The following PHYHIPL variants were observed in gnomAD, a reference collection of about 807,000 sequenced individuals.
The protein encoded by PHYHIPL is phytanoyl-CoA 2-hydroxylase interacting protein like.
In PHYHIPL, 9 loss-of-function variants were observed where a neutral mutation model predicts 33.4. The observed-to-expected ratio is 0.27, with a 90% CI of 0.16 to 0.47. The LOEUF is 0.47. PHYHIPL is among the 20% of genes least tolerant of loss of function. PHYHIPL has a pLI of 0.99. For synonymous variants in PHYHIPL, 153 were observed against 154.1 expected (o/e 0.99, Z 0.05); for missense variants, 365 against 460.7 (o/e 0.79, Z 1.90).
At position 59,234,713 on chromosome 10, in the gene PHYHIPL, A is replaced by G. The variant is rs550095735; in HGVS notation, c.303+213A>G. Among the ~76,000 whole-genome samples, 5 of 151,934 alleles carry G rather than the reference A, an allele frequency of 3.3e-5. No individual in the cohort carries two copies. The East Asian group carries it at 9.6e-4, about 29-fold the overall frequency. On this transcript the variant is annotated intron_variant, in intron 2 of 4. Coordinates refer to ENST00000373880, the MANE Select transcript of PHYHIPL (RefSeq NM_032439.4). ...TGCTTTTTGTTAGAAGATAATTTTC[A>G]AAAAAAGGTAAAATCATGACTATCA...
chr10:59,237,949 A>G (rs1173360834), intron 3 of PHYHIPL, among the ~76,000 whole-genome samples: 1 of 151,914 alleles, frequency 6.6e-6, no homozygotes, highest in South Asian at 2.1e-4. Context: ...TATTGAGCCA[A>G]TGAAGCAGTG....
Position 59,183,692 on chromosome 10 carries a change from C to T in PHYHIPL, c.106+6733C>T, listed in dbSNP as rs190331741. ...CAACAGATGTGAGTTGAACCAAGAACGTCATACTTGGAATTGTCGTTAGTT... is the reference window on the plus strand; with the variant it reads ...CAACAGATGTGAGTTGAACCAAGAATGTCATACTTGGAATTGTCGTTAGTT... On this transcript the variant is annotated intron_variant, in intron 1 of 4. Coordinates refer to ENST00000373880, the MANE Select transcript of PHYHIPL (RefSeq NM_032439.4). The T allele has an allele frequency of 2.0e-4, 201 of 984,298 alleles. No individual in the cohort carries two copies. In the African/African-American group the frequency reaches 2.7e-3, roughly 13 times the overall value. 61.0% of individuals were successfully genotyped at this position (984,298 alleles called of 1,614,324 possible).
intron 1 of PHYHIPL, among the ~76,000 whole-genome samples, chr10:59,211,502 G>A (rs559303498): frequency 2.0e-5 from 3 of 151,702 alleles, no homozygotes; most frequent in South Asian, 2.1e-4. Flanking sequence ...TCAGCCTCCC[G>A]AGTAGCTAAG....
intron 4 of PHYHIPL, among the ~76,000 whole-genome samples, chr10:59,241,071 A>T (rs1344484318): frequency 6.6e-6 from 1 of 152,156 alleles, no homozygotes; most frequent in Non-Finnish European, 1.5e-5. Flanking sequence ...TGCAGTACGT[A>T]TAAATAAATA....
rs1840294706 is a variant in PHYHIPL, at chr10:59,238,529, A to G, written c.479-59A>G. On this transcript the variant is annotated intron_variant, in intron 3 of 4. Coordinates refer to ENST00000373880, the MANE Select transcript of PHYHIPL (RefSeq NM_032439.4). ...TTTAATAATCTTCAATTTATTAAGT[A>G]TATGGTTGGTACTTTTGGTGCAATA... 1.3e-5 allele frequency: 12 copies of G among 918,542 alleles called. No homozygotes were observed. In the South Asian group the frequency reaches 1.5e-4, roughly 12 times the overall value. The allele number at this position is 918,542 out of a possible 1,614,324, so 56.9% of individuals were successfully genotyped here.
At chr10:59,243,753 A>C (rs1840499932) in intron 4 of PHYHIPL, among the ~76,000 whole-genome samples, 1 of 150,302 alleles carries the variant, frequency 6.7e-6, no homozygotes, top group African/African-American at 2.5e-5. Flanking sequence ...GGGACCCAGC[A>C]AAAAAAAACA....
intron 1 of PHYHIPL, among the ~76,000 whole-genome samples, chr10:59,215,892 T>C (rs1228724018): frequency 6.6e-6 from 1 of 151,934 alleles, no homozygotes; most frequent in Non-Finnish European, 1.5e-5. Flanking sequence ...TCTGTATTAG[T>C]TGGTGAAGTC....
chr10:59,182,012 T>TGGG (rs1474635347), intron 1 of PHYHIPL, among the ~76,000 whole-genome samples: 10 of 152,238 alleles, frequency 6.6e-5, no homozygotes, highest in African/African-American at 2.2e-4. Context: ...TGATATTTCT[T>TGGG]CCTAAATTAG....
chr10:59,221,358 T>C (rs970645973), intron 1 of PHYHIPL, among the ~76,000 whole-genome samples: 4 of 152,096 alleles, frequency 2.6e-5, no homozygotes. Context: ...TTGGCTTTTA[T>C]TAAGAGCAAT....
At chr10:59,199,209 A>C (rs1275287574) in intron 1 of PHYHIPL, among the ~76,000 whole-genome samples, 1 of 152,198 alleles carries the variant, frequency 6.6e-6, no homozygotes, top group South Asian at 2.1e-4. Context: ...TTAAGTCTTT[A>C]ATCCATCTTG....
rs1356160532 is a variant in PHYHIPL at position 59,196,886 on chromosome 10, A to G, written c.106+19927A>G. Among the ~76,000 whole-genome samples the G allele has an allele frequency of 2.0e-5, 3 of 152,166 alleles. No individual in the cohort carries two copies. The East Asian group carries it at 5.8e-4, about 29-fold the overall frequency. ...GATGGATTTCATTACACAATTATAT[A>G]CTCTTTATTGTCAAAAAGATTTCTT... On this transcript the variant is annotated intron_variant, in intron 1 of 4. Coordinates refer to ENST00000373880, the MANE Select transcript of PHYHIPL (RefSeq NM_032439.4).
intron 1 of PHYHIPL, chr10:59,177,483 T>G: frequency 6.5e-7 from 1 of 1,548,188 alleles, no homozygotes; most frequent in Non-Finnish European, 8.7e-7. Flanking sequence ...AGGATGACAG[T>G]TTTTCAGTGA....
intron 1 of PHYHIPL, among the ~76,000 whole-genome samples, chr10:59,218,233 T>G (rs1175717919): frequency 6.6e-6 from 1 of 152,116 alleles, no homozygotes; most frequent in Non-Finnish European, 1.5e-5. Flanking sequence ...CAATACAAAC[T>G]TATGGATACA....
At chr10:59,199,984 C>T (rs1022437580) in intron 1 of PHYHIPL, among the ~76,000 whole-genome samples, 4 of 152,156 alleles carry the variant, frequency 2.6e-5, no homozygotes, top group Admixed American at 2.6e-4. Context: ...TCTAGATGTA[C>T]AATCATGTCA....
chr10:59,179,548 G>T (rs1372881612), intron 1 of PHYHIPL, among the ~76,000 whole-genome samples: 4 of 152,108 alleles, frequency 2.6e-5, no homozygotes, highest in Non-Finnish European at 5.9e-5. Context: ...ATAGGGGAAA[G>T]TATAGTTATG....
chr10:59,197,332 C>T (rs1354335984), intron 1 of PHYHIPL, among the ~76,000 whole-genome samples: 1 of 152,148 alleles, frequency 6.6e-6, no homozygotes, highest in Non-Finnish European at 1.5e-5. Flanking sequence ...TGAAAATAAT[C>T]TTTTGAGAAT....
chr10:59,225,447 G>A (rs1383374231), intron 1 of PHYHIPL, among the ~76,000 whole-genome samples: 1 of 151,956 alleles, frequency 6.6e-6, no homozygotes, highest in African/African-American at 2.4e-5. Flanking sequence ...GATATGCTAG[G>A]GGCCACAGAA....
chr10:59,243,257 T>C (rs559658250), intron 4 of PHYHIPL, among the ~76,000 whole-genome samples: 8 of 152,198 alleles, frequency 5.3e-5, no homozygotes, highest in Non-Finnish European at 1.2e-4. Context: ...TTTCAAATGC[T>C]GAACGAGCAC....
At chr10:59,200,768 T>C (rs1305645852) in intron 1 of PHYHIPL, among the ~76,000 whole-genome samples, 2 of 152,208 alleles carry the variant, frequency 1.3e-5, no homozygotes, top group African/African-American at 4.8e-5. Flanking sequence ...ATTCAACTTC[T>C]TCCTGGTTTA....
Sources: gnomAD v4.1 joint callset for allele counts (sites outside exome capture counted in the v4.1 genomes callset) on GRCh38, gnomAD v4.1.1 for gene constraint, MANE v1.5 for transcripts, NCBI Gene and HGNC (gene_info 2026-07-23, HGNC 2026-07-21) for gene names.